The following ANKS1B variants were observed in gnomAD, a reference collection of about 807,000 sequenced individuals.
ANKS1B encodes ankyrin repeat and sterile alpha motif domain containing 1B.
ANKS1B carries 36 observed loss-of-function variants against 148.3 expected under a neutral mutation model. The observed-to-expected ratio is 0.24, with a 90% confidence interval of 0.19 to 0.32. The LOEUF (loss-of-function observed/expected upper bound fraction) is 0.32. Ranked by LOEUF, ANKS1B falls within the 10% of genes least tolerant of loss-of-function variation. ANKS1B has a pLI of 1.00. For synonymous variants in ANKS1B, 542 were observed against 560.8 expected, an observed-to-expected ratio of 0.97 and a Z score of 0.47; for missense variants, 1,157 against 1,542.6, an observed-to-expected ratio of 0.75 and a Z score of 4.19.
At chr12:99,940,894 T>C (rs538045914) in intron 1 of ANKS1B, among the ~76,000 whole-genome samples, 11 of 152,192 alleles carry the variant, frequency 7.2e-5, no homozygotes, top group Admixed American at 1.3e-4. Flanking sequence ...TTTTAAAAGA[T>C]AGAATTTGAA....
At chr12:99,319,741 C>A (rs1211858516) in intron 12 of ANKS1B, among the ~76,000 whole-genome samples, 3 of 152,090 alleles carry the variant, frequency 2.0e-5, no homozygotes, top group Non-Finnish European at 4.4e-5. Flanking sequence ...GGTTATTTTG[C>A]TAGTTGTTAG....
intron 14 of ANKS1B, among the ~76,000 whole-genome samples, chr12:99,198,697 T>C (rs977953617): frequency 6.6e-6 from 1 of 152,194 alleles, no homozygotes; most frequent in African/African-American, 2.4e-5. Context: ...TCTTCTCTAA[T>C]GGCATTAATT....
chr12:98,934,780 T>A (rs942734548), intron 17 of ANKS1B, among the ~76,000 whole-genome samples: 1 of 152,076 alleles, frequency 6.6e-6, no homozygotes, highest in Admixed American at 6.6e-5. Context: ...TGTTAGTGTA[T>A]AGAAATGCAA....
intron 9 of ANKS1B, among the ~76,000 whole-genome samples, chr12:99,507,955 A>G (rs140731672): frequency 1.3e-5 from 2 of 151,952 alleles, no homozygotes; most frequent in African/African-American, 4.8e-5. Context: ...CTCCTCTACC[A>G]GGGCTAAATG....
intron 14 of ANKS1B, among the ~76,000 whole-genome samples, chr12:99,234,176 A>G (rs989550247): frequency 6.6e-6 from 1 of 152,170 alleles, no homozygotes; most frequent in Non-Finnish European, 1.5e-5. Context: ...CACATACTAC[A>G]TAAAACGGTG....
intron 9 of ANKS1B, among the ~76,000 whole-genome samples, chr12:99,634,999 A>C (rs2098218594): frequency 6.6e-6 from 1 of 152,210 alleles, no homozygotes; most frequent in South Asian, 2.1e-4. Context: ...GTCAACAAGC[A>C]CATGAAAAGA....
chr12:98,942,467 T>G (rs1217543142), intron 17 of ANKS1B, among the ~76,000 whole-genome samples: 1 of 152,152 alleles, frequency 6.6e-6, no homozygotes, highest in Non-Finnish European at 1.5e-5. Flanking sequence ...GCAAAGGGGA[T>G]GGCTTTCTCC....
intron 1 of ANKS1B, among the ~76,000 whole-genome samples, chr12:99,827,676 TA>T (rs1296189201): frequency 6.6e-6 from 1 of 152,252 alleles, no homozygotes; most frequent in Non-Finnish European, 1.5e-5. Flanking sequence ...TTTATTTTTT[TA>T]AATACCACAA....
chr12:99,208,947 A>G (rs1041877972), intron 14 of ANKS1B, among the ~76,000 whole-genome samples: 2 of 152,166 alleles, frequency 1.3e-5, no homozygotes, highest in Non-Finnish European at 1.5e-5. Context: ...GAATTCAGAA[A>G]CTATTTGTGA....
chr12:98,833,712 C>T (rs1049580826), intron 17 of ANKS1B, among the ~76,000 whole-genome samples: 2 of 151,964 alleles, frequency 1.3e-5, no homozygotes, highest in African/African-American at 4.8e-5. Context: ...TGCATAGTAC[C>T]CAATAGGTAG....
intron 9 of ANKS1B, among the ~76,000 whole-genome samples, chr12:99,534,375 C>T (rs530339707): frequency 3.4e-4 from 52 of 152,128 alleles, no homozygotes; most frequent in Non-Finnish European, 5.9e-4. Context: ...TGTCATTTGC[C>T]ATTTATTGTT....
intron 25 of ANKS1B, among the ~76,000 whole-genome samples, chr12:98,754,170 G>A (rs1054842024): frequency 6.6e-6 from 1 of 152,204 alleles, no homozygotes; most frequent in Non-Finnish European, 1.5e-5. Context: ...TGGAGATACT[G>A]CACCTTGCAC....
chr12:99,648,520 GAACT>G lies in ANKS1B; in HGVS notation c.1272+6543_1272+6546del, dbSNP rs776291685. 1.2e-5 allele frequency: 19 copies of G among 1,613,972 alleles called. No individual in the cohort carries two copies. In the African/African-American group the frequency reaches 1.6e-4, roughly 14 times the overall value. On this transcript the variant is annotated intron_variant, in intron 9 of 26. Coordinates refer to ENST00000683438, the MANE Select transcript of ANKS1B (RefSeq NM_001352186.2). ...AGAAAGTCCGCCTGCAGAGATCTTAGAACTAACCAGGCTGCTTCCCTTGATGTTT... is the reference window on the plus strand; with the variant it reads ...AGAAAGTCCGCCTGCAGAGATCTTAGAACCAGGCTGCTTCCCTTGATGTTT...
intron 12 of ANKS1B, among the ~76,000 whole-genome samples, chr12:99,357,125 T>A (rs1018687493): frequency 2.0e-5 from 3 of 152,170 alleles, no homozygotes; most frequent in African/African-American, 7.2e-5. Flanking sequence ...CATGTATCTA[T>A]TTATAACACT....
chr12:99,579,550 A>G lies in ANKS1B; in HGVS notation c.1273-74909T>C, dbSNP rs989743092. Among the ~76,000 whole-genome samples the G allele has an allele frequency of 2.6e-5, 4 of 152,198 alleles. No individual in the cohort carries two copies. In the East Asian group the frequency reaches 7.7e-4, roughly 29 times the overall value. ...AAAAGTGGGTAAAGGACATGAACAGACACTTCCAAAAAGGAGACATACATG... is the reference window on the plus strand; with the variant it reads ...AAAAGTGGGTAAAGGACATGAACAGGCACTTCCAAAAAGGAGACATACATG... On this transcript the variant is annotated intron_variant, in intron 9 of 26. Transcript: ENST00000683438.
At chr12:99,474,647 A>G (rs2096288450) in intron 10 of ANKS1B, among the ~76,000 whole-genome samples, 1 of 152,134 alleles carries the variant, frequency 6.6e-6, no homozygotes, top group Non-Finnish European at 1.5e-5. Context: ...ATATAAGGTC[A>G]TATTTTAGAA....
rs904842795 is a variant in ANKS1B, at chr12:99,472,334, C to T, written c.1439-28525G>A. Among the ~76,000 whole-genome samples the T allele has an allele frequency of 2.6e-5, 4 of 152,100 alleles. No homozygotes were observed. The South Asian group carries it at 6.2e-4, about 24-fold the overall frequency. On this transcript the variant is annotated intron_variant, in intron 10 of 26. Transcript: ENST00000683438. ...CATCATTTCTTCATATAAGATCAGG[C>T]TCATTACATTATAATTATTTAGGTA...
intron 9 of ANKS1B, among the ~76,000 whole-genome samples, chr12:99,617,216 T>C (rs183001543): frequency 1.4e-4 from 21 of 152,306 alleles, no homozygotes; most frequent in Admixed American, 5.2e-4. Flanking sequence ...AGTTCAACCA[T>C]TGTGGAAGAC....
intron 17 of ANKS1B, among the ~76,000 whole-genome samples, chr12:98,839,985 G>C (rs1162617870): frequency 6.6e-6 from 1 of 152,146 alleles, no homozygotes; most frequent in African/African-American, 2.4e-5. Context: ...GTCAGATATA[G>C]TGTCACTGCA....
Sources: allele counts gnomAD v4.1 joint callset (sites outside exome capture counted in the v4.1 genomes callset), GRCh38; gene constraint gnomAD v4.1.1; transcripts MANE v1.5; gene names NCBI Gene and HGNC (gene_info 2026-07-23, HGNC 2026-07-21).